Variants in POF1B observed in about 807,000 individuals in gnomAD.
POF1B encodes protein POF1B.
POF1B carries 53 observed loss-of-function variants against 55.3 expected under a neutral mutation model. The ratio of observed to expected loss-of-function variants is 0.96; its 90% confidence interval spans 0.77 to 1.20. POF1B has a LOEUF of 1.20. Ranked by LOEUF, POF1B falls within the 50% of genes most tolerant of loss-of-function variation. The probability of loss-of-function intolerance (pLI) is 0.00; values close to 1 mark genes in which losing one functional copy is unlikely to be tolerated. For synonymous variants in POF1B, 188 were observed against 148.3 expected (o/e 1.27, Z -1.95); for missense variants, 478 against 420.5 (o/e 1.14, Z -1.20).
chrX:85,328,477 T>C (rs1003137343), intron 7 of POF1B, among the ~76,000 whole-genome samples: 3 of 111,227 alleles, frequency 2.7e-5, no homozygotes, highest in African/African-American at 9.8e-5. Flanking sequence ...GTGCTGGGAT[T>C]ACAGGCGTGA....
rs1931992058 is a variant in POF1B, at chrX:85,284,530, A to G, written c.1650-2213T>C. On this transcript the variant is annotated intron_variant, in intron 15 of 16. Transcript: ENST00000262753. The stretch of plus-strand genomic sequence containing the variant: ...ATCTACAATCACCTGATCTTTGACA[A>G]ATCTGACAAAAACAATAAATGGGGA... Among the ~76,000 whole-genome samples the G allele has an allele frequency of 2.7e-5, 3 of 111,998 alleles. No individual in the cohort carries two copies. In the South Asian group the frequency reaches 1.1e-3, roughly 41 times the overall value.
intron 15 of POF1B, among the ~76,000 whole-genome samples, chrX:85,292,895 G>A (rs1932223617): frequency 1.8e-5 from 2 of 109,649 alleles, no homozygotes; most frequent in African/African-American, 6.6e-5. Context: ...TTCAAAAGAA[G>A]ACATATATGT....
intron 7 of POF1B, among the ~76,000 whole-genome samples, chrX:85,329,371 G>C (rs769399028): frequency 9.0e-6 from 1 of 111,575 alleles, no homozygotes; most frequent in Non-Finnish European, 1.9e-5. Flanking sequence ...AAACTATGAT[G>C]AAGGCCAAGT....
At chrX:85,287,093 TA>T (rs1377184263) in intron 15 of POF1B, among the ~76,000 whole-genome samples, 4 of 111,679 alleles carry the variant, frequency 3.6e-5, no homozygotes, top group Non-Finnish European at 7.6e-5. Context: ...GGGATGCAGG[TA>T]AAATAGTGCT....
In POF1B at chrX:85,285,890, C is replaced by T. The variant is rs147514104; in HGVS notation, c.1650-3573G>A. 8.4e-3 allele frequency among the ~76,000 whole-genome samples: 903 copies of T among 107,407 alleles called. 11 individuals carry two copies. Among genetic ancestry groups the T allele is most frequent in the African/African-American group, 0.03 (854 of 28,676 alleles). 93.3% of individuals were successfully genotyped at this position (107,407 alleles called of 115,157 possible). A position where few individuals can be genotyped will look rare whatever the true frequency, so the allele number is the denominator to read the frequency against. ...AGAATTGATAAAGACTGTTTTTAGA[C>T]TTAAAAGGCCAAAAGAAGTCTTCAC... On this transcript the variant is annotated intron_variant, in intron 15 of 16. Coordinates refer to ENST00000262753, the MANE Select transcript of POF1B (RefSeq NM_024921.4).
At chrX:85,298,949 G>T (rs1393570375) in intron 15 of POF1B, among the ~76,000 whole-genome samples, 1 of 107,565 alleles carries the variant, frequency 9.3e-6, no homozygotes, top group Admixed American at 1.0e-4. Flanking sequence ...GACGATGTCA[G>T]TGAAAATATA....
rs141327405 is a variant in POF1B, at chrX:85,306,388, G to A, written c.1165-55C>T. 158 of 1,092,975 alleles carry A rather than the reference G, an allele frequency of 1.4e-4. No homozygotes were observed. In the African/African-American group the frequency reaches 2.8e-3, roughly 19 times the overall value. The allele number at this position is 1,092,975 out of a possible 1,213,427, so 90.1% of individuals were successfully genotyped here. ...AATGCATTTTGTTTTTGGTGAGGGA[G>A]TGTTCTTTTTATTGATTCATTCAAT... On this transcript the variant is annotated intron_variant, in intron 11 of 16. Transcript: ENST00000262753.
chrX:85,348,017 A>G (rs1292267387), intron 5 of POF1B, among the ~76,000 whole-genome samples: 1 of 111,478 alleles, frequency 9.0e-6, no homozygotes, highest in African/African-American at 3.2e-5. Context: ...TTCCTCACAA[A>G]GCAAGTTAGG....
At chrX:85,325,139 C>T (rs1174834773) in intron 7 of POF1B, among the ~76,000 whole-genome samples, 2 of 111,039 alleles carry the variant, frequency 1.8e-5, no homozygotes, top group Admixed American at 9.6e-5. Context: ...TCTTTCATTT[C>T]GAGAATCTGA....
At chrX:85,319,063 C>T (rs1213044709) in intron 7 of POF1B, among the ~76,000 whole-genome samples, 4 of 110,900 alleles carry the variant, frequency 3.6e-5, no homozygotes, top group African/African-American at 6.6e-5. Flanking sequence ...TTTTCTAATT[C>T]GTATTGTAAA....
Position 85,320,845 on chromosome X carries a change from A to T in POF1B, c.855-5111T>A, listed in dbSNP as rs1382627619. On this transcript the variant is annotated intron_variant, in intron 7 of 16. Coordinates refer to ENST00000262753, the MANE Select transcript of POF1B (RefSeq NM_024921.4). ...ACAAATAAACTAGAAAATCTAGAAG[A>T]AATGGATAAATTCCTCGACACATAC... 1.1e-4 allele frequency among the ~76,000 whole-genome samples: 12 copies of T among 111,442 alleles called. No individual in the cohort carries two copies. The Admixed American group carries it at 1.1e-3, about 11-fold the overall frequency.
At chrX:85,365,791 C>A (rs1390844884) in intron 3 of POF1B, among the ~76,000 whole-genome samples, 1 of 111,073 alleles carries the variant, frequency 9.0e-6, no homozygotes, top group African/African-American at 3.3e-5. Flanking sequence ...GCAGAGAGGA[C>A]CTTAGCAGTG....
At chrX:85,363,019 T>G (rs1276853515) in intron 3 of POF1B, among the ~76,000 whole-genome samples, 16 of 111,238 alleles carry the variant, frequency 1.4e-4, no homozygotes, top group Admixed American at 1.4e-3. Context: ...ACTAGGTTTT[T>G]CAGTTTGTAT....
intron 6 of POF1B, among the ~76,000 whole-genome samples, chrX:85,334,494 A>G (rs1197453436): frequency 9.0e-6 from 1 of 111,615 alleles, no homozygotes; most frequent in African/African-American, 3.2e-5. Flanking sequence ...GCATGCATCA[A>G]TGAAGTACGT....
intron 15 of POF1B, among the ~76,000 whole-genome samples, chrX:85,284,107 T>G (rs1931977729): frequency 1.8e-5 from 2 of 110,813 alleles, no homozygotes; most frequent in Admixed American, 1.9e-4. Context: ...ACAAGAGATG[T>G]GAAGGACCTC....
Position 85,305,878 on chromosome X carries a change from C to T in POF1B, c.1350G>A (p.Gln450=), listed in dbSNP as rs1269650805. 1 of 1,208,125 alleles carries T rather than the reference C, an allele frequency of 8.3e-7. No homozygotes were observed. Among genetic ancestry groups the T allele is most frequent in the East Asian group, 3.0e-5 (1 of 33,714 alleles). ...VSETCTGPML[Q]AKMDEIGNHY... Reference sequence around the variant, plus strand: ...GGTTGCCAATCTCATCCATTTTAGCCTGCAACATTGGGCCTGTGCAAGTCT... The same window carrying T: ...GGTTGCCAATCTCATCCATTTTAGCTTGCAACATTGGGCCTGTGCAAGTCT... The change falls in exon 13 of 17, where the codon CAG becomes CAA. Residue 450 remains glutamine, a synonymous_variant. Coordinates refer to ENST00000262753, the MANE Select transcript of POF1B (RefSeq NM_024921.4).
intron 13 of POF1B, among the ~76,000 whole-genome samples, chrX:85,304,704 C>T (rs1290963812): frequency 4.5e-5 from 5 of 110,535 alleles, no homozygotes; most frequent in Middle Eastern, 4.7e-3. Context: ...ACATTATCTA[C>T]GTAACAGTCT....
chrX:85,351,225 A>G (rs1345561520), intron 5 of POF1B, 125 bp downstream of exon 5: 1 of 418,268 alleles, frequency 2.4e-6, no homozygotes, highest in African/African-American at 2.6e-5. Context: ...TGTAGATATC[A>G]TAGCATATTA....
Position 85,366,505 on chromosome X carries a change from A to G in POF1B, c.357+1187T>C, listed in dbSNP as rs192043813. Among the ~76,000 whole-genome samples, 407 of 111,798 alleles carry G rather than the reference A, an allele frequency of 3.6e-3. 3 individuals are homozygous for G. The highest frequency in any genetic ancestry group is 0.012 in the African/African-American group (376 of 30,810). ...TTTACTACAACAAACACATATTTTC[A>G]TTATCAGAAATAATATGTACAGTAA... On this transcript the variant is annotated intron_variant, in intron 3 of 16. Coordinates refer to ENST00000262753, the MANE Select transcript of POF1B (RefSeq NM_024921.4).
Sources: allele counts gnomAD v4.1 joint callset (sites outside exome capture counted in the v4.1 genomes callset), GRCh38; gene constraint gnomAD v4.1.1; transcripts MANE v1.5; gene names NCBI Gene and HGNC (gene_info 2026-07-23, HGNC 2026-07-21).